The following OSBPL8 variants were observed in gnomAD, a reference collection of about 807,000 sequenced individuals.
OSBPL8 encodes oxysterol-binding protein-related protein 8.
In OSBPL8, 59 loss-of-function variants were observed where a neutral mutation model predicts 125.5. The ratio of observed to expected loss-of-function variants is 0.47; its 90% CI spans 0.38 to 0.58. OSBPL8 has a LOEUF of 0.58. Among genes scored for constraint, OSBPL8 ranks in the 20% least tolerant of loss-of-function variants. The pLI is 0.00. For missense variants in OSBPL8, 758 were observed against 1,047.8 expected, an observed-to-expected ratio of 0.72 and a Z score of 3.82; for synonymous variants, 330 against 338.9, an observed-to-expected ratio of 0.97 and a Z score of 0.29.
At chr12:76,435,539 T>C (rs949460471) in intron 4 of OSBPL8, among the ~76,000 whole-genome samples, 2 of 152,128 alleles carry the variant, frequency 1.3e-5, no homozygotes, top group East Asian at 3.8e-4. Context: ...TGTTAACTGA[T>C]CTCACAACAC....
Position 76,355,745 on chromosome 12 carries a change from G to A in OSBPL8, c.*144C>T, listed in dbSNP as rs989972907. On this transcript the variant is annotated 3_prime_UTR_variant, in exon 24 of 24. Transcript: ENST00000261183. ...GTTTCAGTGTGAAGATAAAAGATAC[G>A]AAAAGTCAATACCTCTACATTTATC... 59 of 830,766 alleles carry A rather than the reference G, an allele frequency of 7.1e-5. No homozygotes were observed. Among genetic ancestry groups the A allele is most frequent in the Non-Finnish European group, 9.1e-5 (51 of 558,646 alleles). The allele number at this position is 830,766 out of a possible 1,614,324, so 51.5% of individuals were successfully genotyped here.
intron 1 of OSBPL8, among the ~76,000 whole-genome samples, chr12:76,548,009 T>C (rs1165935832): frequency 6.6e-6 from 1 of 152,170 alleles, no homozygotes; most frequent in Non-Finnish European, 1.5e-5. Flanking sequence ...ATCATGATCA[T>C]CATAATTTCT....
At chr12:76,439,216 T>C (rs534875168) in intron 4 of OSBPL8, among the ~76,000 whole-genome samples, 8 of 152,120 alleles carry the variant, frequency 5.3e-5, no homozygotes, top group South Asian at 4.1e-4. Context: ...CCATCTTTAC[T>C]AAAAATACAA....
chr12:76,462,498 C>T (rs755647185), intron 2 of OSBPL8, among the ~76,000 whole-genome samples: 3 of 152,142 alleles, frequency 2.0e-5, no homozygotes, highest in Admixed American at 1.3e-4. Flanking sequence ...CAAATATTTA[C>T]TTAGTAACTA....
At chr12:76,527,657 C>T (rs773607968) in intron 1 of OSBPL8, among the ~76,000 whole-genome samples, 2 of 152,114 alleles carry the variant, frequency 1.3e-5, no homozygotes, top group Non-Finnish European at 2.9e-5. Flanking sequence ...AATTACTTTC[C>T]TACCTTTTCT....
chr12:76,397,583 A>G, intron 8 of OSBPL8, 111 bp downstream of exon 8: 1 of 1,086,992 alleles, frequency 9.2e-7, no homozygotes, highest in Non-Finnish European at 1.3e-6. Flanking sequence ...TGGAAAGCAG[A>G]ACAGATTTAT....
At chr12:76,419,134 G>A (rs1869130326) in intron 4 of OSBPL8, among the ~76,000 whole-genome samples, 2 of 151,984 alleles carry the variant, frequency 1.3e-5, no homozygotes, top group African/African-American at 4.8e-5. Flanking sequence ...TAGTTGGGAG[G>A]TGGAAGCAGG....
chr12:76,434,433 A>G (rs933264657), intron 4 of OSBPL8, among the ~76,000 whole-genome samples: 5 of 152,328 alleles, frequency 3.3e-5, no homozygotes, highest in African/African-American at 9.6e-5. Context: ...GCTTCTTGAC[A>G]TTGGTCAGGG....
chr12:76,559,169 G>C (rs1565998574), intron 1 of OSBPL8, among the ~76,000 whole-genome samples: 1 of 152,188 alleles, frequency 6.6e-6, no homozygotes, highest in Non-Finnish European at 1.5e-5. Context: ...CCCTGCCGCG[G>C]CTTTTGTAAG....
rs890173671 is a variant in OSBPL8, at chr12:76,353,116, A to G, written c.*2773T>C. ...TTTTCTTAAAGGCACAAAAGCATGAATATTAAATGAGAGTTGTATTTTACA... is the reference window on the plus strand; with the variant it reads ...TTTTCTTAAAGGCACAAAAGCATGAGTATTAAATGAGAGTTGTATTTTACA... On this transcript the variant is annotated 3_prime_UTR_variant, in exon 24 of 24. Transcript: ENST00000261183. The G allele has an allele frequency of 6.6e-6, 1 of 152,454 alleles. No homozygotes were observed. The highest frequency in any genetic ancestry group is 6.6e-5 in the Admixed American group (1 of 15,260). 9.4% of individuals were successfully genotyped at this position (152,454 alleles called of 1,614,324 possible).
chr12:76,559,633 C>T lies in OSBPL8; in HGVS notation c.-304G>A, dbSNP rs1434775726. On this transcript the variant is annotated 5_prime_UTR_variant, in exon 1 of 24. Transcript: ENST00000261183. ...CTTTCGGCCCCGAGGTCCACCAGCC[C>T]GGGCGGACCCCCACCTTCCCTCAGT... 2.0e-5 allele frequency: 3 copies of T among 152,258 alleles called. No individual in the cohort carries two copies. Among genetic ancestry groups the T allele is most frequent in the Non-Finnish European group, 1.5e-5 (1 of 68,054 alleles). The allele number at this position is 152,258 out of a possible 1,614,324, so 9.4% of individuals were successfully genotyped here. A position where few individuals can be genotyped will look rare whatever the true frequency, so the allele number is the denominator to read the frequency against.
intron 1 of OSBPL8, among the ~76,000 whole-genome samples, chr12:76,524,552 A>G (rs1950113042): frequency 6.6e-6 from 1 of 152,234 alleles, no homozygotes; most frequent in African/African-American, 2.4e-5. Flanking sequence ...TTGTTTTAAA[A>G]ACAAAGAAAG....
At chr12:76,438,232 C>T (rs1258979628) in intron 4 of OSBPL8, among the ~76,000 whole-genome samples, 2 of 151,836 alleles carry the variant, frequency 1.3e-5, no homozygotes, top group South Asian at 2.1e-4. Flanking sequence ...ATGATCCGCC[C>T]GCCTCGGCCT....
At chr12:76,357,647 T>C (rs1219730253) in intron 22 of OSBPL8, among the ~76,000 whole-genome samples, 1 of 152,202 alleles carries the variant, frequency 6.6e-6, no homozygotes, top group Admixed American at 6.5e-5. Flanking sequence ...CAAGCCTAGA[T>C]TGCTATAATC....
At chr12:76,502,480 G>A (rs1280925268) in intron 1 of OSBPL8, among the ~76,000 whole-genome samples, 1 of 152,158 alleles carries the variant, frequency 6.6e-6, no homozygotes, top group Admixed American at 6.5e-5. Flanking sequence ...GCTGAGGTGA[G>A]CGATCCTAAT....
At chr12:76,361,394 G>A (rs1952200094) in intron 21 of OSBPL8, among the ~76,000 whole-genome samples, 1 of 152,036 alleles carries the variant, frequency 6.6e-6, no homozygotes, top group Admixed American at 6.6e-5. Flanking sequence ...CAACATTTTT[G>A]TCAAAGCCAG....
At position 76,384,290 on chromosome 12, in the gene OSBPL8, G is replaced by A. The variant is rs758080168; in HGVS notation, c.1594C>T (p.Leu532Phe). ...GACTTAGCCAGGATACTACCGCTAA[G>A]GCAAAATCCATCTTTTCGATTACTA... ...YVSNRKDGFC[L>F]SGSILAKSKF... is the part of the protein sequence containing the mutation. Residue 532 changes from leucine (L) to phenylalanine (F), a missense_variant, in exon 15 of 24, where the codon CTT becomes TTT. By Grantham distance (22) the Leu-to-Phe change is conservative (BLOSUM62 0). Around this residue, in one of 3 missense-constraint regions of OSBPL8, gnomAD observed 572 missense variants for 762.0 expected, o/e 0.75. Transcript: ENST00000261183. 2 of 1,569,522 alleles carry A rather than the reference G, an allele frequency of 1.3e-6. No individual in the cohort carries two copies. The highest frequency in any genetic ancestry group is 2.3e-5 in the East Asian group (1 of 44,304).
chr12:76,386,201 T>C lies in OSBPL8; in HGVS notation c.1500A>G (p.Arg500=). The change falls in exon 14 of 24, where the codon AGA becomes AGG. Residue 500 remains arginine (R), a synonymous_variant. Coordinates refer to ENST00000261183, the MANE Select transcript of OSBPL8 (RefSeq NM_020841.5). ...CAATATAAAAAGTTTTGCTGTTTGTTCTGGGATGAATCCATAAACAACGGA... is the reference window on the plus strand; with the variant it reads ...CAATATAAAAAGTTTTGCTGTTTGTCCTGGGATGAATCCATAAACAACGGA... The part of the protein sequence containing the change: ...ETFRCLWIHP[R]TNSKTFYIAE... 1 of 1,612,572 alleles carries C rather than the reference T, an allele frequency of 6.2e-7. No individual in the cohort carries two copies. Among genetic ancestry groups the C allele is most frequent in the Middle Eastern group, 1.7e-4 (1 of 6,042 alleles).
At chr12:76,507,948 A>G (rs942407627) in intron 1 of OSBPL8, among the ~76,000 whole-genome samples, 1 of 151,942 alleles carries the variant, frequency 6.6e-6, no homozygotes, top group African/African-American at 2.4e-5. Flanking sequence ...AGGCAGGCAG[A>G]TCACCTGAGA....
Sources: gnomAD v4.1 joint callset for allele counts (sites outside exome capture counted in the v4.1 genomes callset) on GRCh38, gnomAD v4.1.1 for gene constraint, gnomAD v4.1.1 regional missense constraint, MANE v1.5 for transcripts, NCBI Gene and HGNC (gene_info 2026-07-23, HGNC 2026-07-21) for gene names.